The following LUZP2 variants were observed in gnomAD, a reference collection of about 807,000 sequenced individuals.
LUZP2 encodes leucine zipper protein 2.
A neutral mutation model predicts 51.6 loss-of-function variants in LUZP2; 52 were observed. The observed-to-expected ratio is 1.01, with a 90% CI of 0.81 to 1.27. LUZP2 has a LOEUF of 1.27. Ranked by LOEUF, LUZP2 falls within the 50% of genes most tolerant of loss-of-function variation. The probability of loss-of-function intolerance (pLI) is 0.00; values close to 1 mark genes in which losing one functional copy is unlikely to be tolerated. For synonymous variants in LUZP2, 154 were observed against 137.3 expected, an observed-to-expected ratio of 1.12 and a Z score of -0.85; for missense variants, 436 against 395.4, an observed-to-expected ratio of 1.10 and a Z score of -0.87.
chr11:24,678,193 C>G (rs747306511), intron 1 of LUZP2, among the ~76,000 whole-genome samples: 1 of 151,798 alleles, frequency 6.6e-6, no homozygotes, highest in African/African-American at 2.4e-5. Flanking sequence ...ATTTTAATCA[C>G]TAAAATGTAT....
chr11:24,842,965 A>C (rs1459577811), intron 5 of LUZP2, among the ~76,000 whole-genome samples: 5 of 151,920 alleles, frequency 3.3e-5, no homozygotes, highest in Non-Finnish European at 7.4e-5. Context: ...AGCATCAATA[A>C]ATTTAAAAGC....
At chr11:24,738,691 G>C (rs1041313575) in intron 4 of LUZP2, among the ~76,000 whole-genome samples, 2 of 152,020 alleles carry the variant, frequency 1.3e-5, no homozygotes, top group African/African-American at 4.8e-5. Flanking sequence ...CTCAGGAGCA[G>C]GGCCATGGAA....
chr11:24,927,902 T>G (rs1854327055), intron 7 of LUZP2, among the ~76,000 whole-genome samples: 2 of 152,086 alleles, frequency 1.3e-5, no homozygotes, highest in African/African-American at 4.8e-5. Context: ...TTGTTTTGTC[T>G]ATGATTTCTT....
At chr11:24,743,610 A>C (rs1859268691) in intron 4 of LUZP2, among the ~76,000 whole-genome samples, 1 of 152,084 alleles carries the variant, frequency 6.6e-6, no homozygotes, top group African/African-American at 2.4e-5. Flanking sequence ...AGGGTTTTCA[A>C]GGTAAATGAT....
At position 25,078,881 on chromosome 11, in the gene LUZP2, C is replaced by T. The variant is rs554814346; in HGVS notation, c.*223C>T. On this transcript the variant is annotated 3_prime_UTR_variant, in exon 12 of 12. Coordinates refer to ENST00000336930, the MANE Select transcript of LUZP2 (RefSeq NM_001009909.4). Reference sequence around the variant, plus strand: ...CCCACAGTCAGAAATATTTTGTTGTCAACAGTAAATTGTCCCATATAAATT... The same window carrying T: ...CCCACAGTCAGAAATATTTTGTTGTTAACAGTAAATTGTCCCATATAAATT... 4.4e-6 allele frequency: 2 copies of T among 451,606 alleles called. No individual in the cohort carries two copies. The highest frequency in any genetic ancestry group is 4.3e-5 in the East Asian group (1 of 23,300). 28.0% of individuals were successfully genotyped at this position (451,606 alleles called of 1,614,324 possible).
intron 1 of LUZP2, among the ~76,000 whole-genome samples, chr11:24,517,538 G>A (rs1332367830): frequency 1.6e-5 from 2 of 125,588 alleles, no homozygotes; most frequent in South Asian, 5.6e-4. Flanking sequence ...TAAATTTTAT[G>A]TAAGTTTTTT....
chr11:24,793,645 G>A (rs931771514), intron 5 of LUZP2, among the ~76,000 whole-genome samples: 10 of 152,082 alleles, frequency 6.6e-5, no homozygotes, highest in Non-Finnish European at 4.4e-5. Context: ...AAAGATAGGC[G>A]GCTTGTTAGT....
chr11:24,593,391 C>T (rs1286355953), intron 1 of LUZP2, among the ~76,000 whole-genome samples: 1 of 152,134 alleles, frequency 6.6e-6, no homozygotes, highest in Non-Finnish European at 1.5e-5. Context: ...CATAGTACTT[C>T]TCTAAGGCCT....
intron 10 of LUZP2, among the ~76,000 whole-genome samples, chr11:25,055,260 T>G (rs1858650562): frequency 6.6e-6 from 1 of 152,004 alleles, no homozygotes; most frequent in South Asian, 2.1e-4. Flanking sequence ...CCACCCGCCT[T>G]AGCCTCCCAA....
At chr11:24,976,515 G>A in intron 7 of LUZP2, 76 bp from the exon 8 acceptor site, 2 of 796,412 alleles carry the variant, frequency 2.5e-6, no homozygotes, top group South Asian at 2.5e-5. Flanking sequence ...CAATTCTTTG[G>A]CAATATATGA....
At chr11:25,033,790 T>C (rs1041258742) in intron 9 of LUZP2, among the ~76,000 whole-genome samples, 1 of 152,014 alleles carries the variant, frequency 6.6e-6, no homozygotes. Context: ...GTGTACATGG[T>C]TTTCATGTAC....
chr11:24,771,709 C>T lies in LUZP2; in HGVS notation c.396+8401C>T, dbSNP rs77085445. On this transcript the variant is annotated intron_variant, in intron 5 of 11. Coordinates refer to ENST00000336930, the MANE Select transcript of LUZP2 (RefSeq NM_001009909.4). ...TCACCTTAATTTGTAATAATCCCCA[C>T]GTGTCAAAGGGTGGGGGCCAGGTGG... is the stretch of plus-strand genomic sequence containing the variant. 4.4e-3 allele frequency among the ~76,000 whole-genome samples: 668 copies of T among 152,144 alleles called. 29 individuals carry two copies. The East Asian group carries it at 0.1, about 23-fold the overall frequency.
At chr11:24,522,312 G>C (rs1850666431) in intron 1 of LUZP2, among the ~76,000 whole-genome samples, 1 of 151,082 alleles carries the variant, frequency 6.6e-6, no homozygotes, top group Non-Finnish European at 1.5e-5. Context: ...TCTTTTTTAA[G>C]TTTCTGTCTT....
At chr11:24,846,540 C>A (rs1366905234) in intron 5 of LUZP2, among the ~76,000 whole-genome samples, 1 of 151,464 alleles carries the variant, frequency 6.6e-6, no homozygotes, top group Non-Finnish European at 1.5e-5. Flanking sequence ...CTGATAGAAA[C>A]AAAGAAAAAG....
At chr11:24,799,024 G>A (rs983658637) in intron 5 of LUZP2, among the ~76,000 whole-genome samples, 3 of 152,126 alleles carry the variant, frequency 2.0e-5, no homozygotes, top group Non-Finnish European at 4.4e-5. Context: ...GGTAGTGGAA[G>A]CTTCACTCAC....
chr11:24,847,252 AAT>A (rs35619580), intron 5 of LUZP2, among the ~76,000 whole-genome samples: 26,631 of 151,598 alleles, frequency 0.18, 2,783 homozygotes, highest in African/African-American at 0.29. Flanking sequence ...TTATTCCAAT[AAT>A]ATATATATAT....
chr11:25,076,657 G>C (rs1275464482), intron 10 of LUZP2, among the ~76,000 whole-genome samples: 1 of 144,598 alleles, frequency 6.9e-6, no homozygotes, highest in Non-Finnish European at 1.5e-5. Context: ...AAGGAAGGGA[G>C]GGAGGGAAGG....
chr11:24,972,186 A>G (rs1259287066), intron 7 of LUZP2, among the ~76,000 whole-genome samples: 1 of 151,326 alleles, frequency 6.6e-6, no homozygotes, highest in East Asian at 1.9e-4. Context: ...ATGACAATAA[A>G]ATTTTCAAAG....
chr11:24,590,938 G>A (rs1280722241), intron 1 of LUZP2, among the ~76,000 whole-genome samples: 6 of 151,946 alleles, frequency 3.9e-5, no homozygotes, highest in Admixed American at 1.3e-4. Flanking sequence ...TGCTATTTGC[G>A]CTAGCAAATA....
Sources: allele counts gnomAD v4.1 joint callset (sites outside exome capture counted in the v4.1 genomes callset), GRCh38; gene constraint gnomAD v4.1.1; transcripts MANE v1.5; gene names NCBI Gene and HGNC (gene_info 2026-07-23, HGNC 2026-07-21).